Variants in SPART observed in about 807,000 individuals in gnomAD.
SPART encodes spartin, also known as spastic paraplegia 20 (Troyer syndrome).
In SPART, 35 loss-of-function variants were observed where a neutral mutation model predicts 58.7. That is an observed-to-expected ratio of 0.60 (90% CI 0.46 to 0.79). SPART has a LOEUF of 0.79. Ranked by LOEUF, SPART falls within the 30% of genes least tolerant of loss-of-function variation. The pLI is 0.00. For missense variants in SPART, 730 were observed against 786.1 expected (o/e 0.93, Z 0.85); for synonymous variants, 284 against 280.7 (o/e 1.01, Z -0.12).
rs1453020661 is a variant in SPART at position 36,335,188 on chromosome 13, C to A, written c.643G>T (p.Gly215Trp). 6.2e-7 allele frequency: 1 copy of A among 1,614,016 alleles called. No homozygotes were observed. The highest frequency in any genetic ancestry group is 1.3e-5 in the African/African-American group (1 of 74,916). Residue 215 changes from glycine to tryptophan, a missense_variant, in exon 2 of 9, where the codon GGG (glycine) becomes TGG (tryptophan). Gly to Trp is a radical substitution (Grantham distance 184). Transcript: ENST00000438666. Reference protein sequence around the residue: ...HSQPPPLETLGLDADELILIP... With the variant: ...HSQPPPLETLWLDADELILIP... Reference sequence around the variant, plus strand: ...AAAATCAATTCATCTGCATCCAGCCCTAAGGTCTCAAGAGGCGGTGGCTGA... The same window carrying A: ...AAAATCAATTCATCTGCATCCAGCCATAAGGTCTCAAGAGGCGGTGGCTGA...
intron 1 of SPART, among the ~76,000 whole-genome samples, chr13:36,358,514 T>C: frequency 6.6e-6 from 1 of 152,200 alleles, no homozygotes; most frequent in East Asian, 1.9e-4. Context: ...AAAGAAGCTA[T>C]TGGCCATTTT....
At chr13:36,348,286 C>CCTG (rs1885268888), upstream of SPART, among the ~76,000 whole-genome samples, 1 of 152,118 alleles carries the variant, frequency 6.6e-6, no homozygotes, top group Non-Finnish European at 1.5e-5. Context: ...CCCTGTACCC[C>CCTG]CTGGCCCCCA....
chr13:36,362,581 T>C (rs979678384), intron 1 of SPART, among the ~76,000 whole-genome samples: 1 of 152,102 alleles, frequency 6.6e-6, no homozygotes, highest in Non-Finnish European at 1.5e-5. Context: ...GAATCCCTCG[T>C]TTCTTTCTCC....
At chr13:36,327,829 A>G (rs570825726) in intron 4 of SPART, among the ~76,000 whole-genome samples, 1 of 152,236 alleles carries the variant, frequency 6.6e-6, no homozygotes, top group Admixed American at 6.5e-5. Context: ...CCCCATCTCT[A>G]CTAAAAATAC....
intron 1 of SPART, among the ~76,000 whole-genome samples, chr13:36,358,470 C>G (rs774249897): frequency 9.2e-5 from 14 of 152,074 alleles, no homozygotes; most frequent in Non-Finnish European, 1.5e-5. Flanking sequence ...CAGTTTGGCT[C>G]GAACAATTGG....
upstream of SPART, among the ~76,000 whole-genome samples, chr13:36,349,132 G>A (rs762476250): frequency 8.5e-5 from 13 of 152,154 alleles, no homozygotes; most frequent in South Asian, 4.2e-4. Context: ...GCGTGGTGGC[G>A]CATGCCTGTA....
In SPART at chr13:36,331,734, A is replaced by G. The variant is rs544177111; in HGVS notation, c.811-138T>C. 3.7e-4 allele frequency: 234 copies of G among 635,908 alleles called. 1 individual carries two copies. In the Middle Eastern group the frequency reaches 3.9e-3, roughly 11 times the overall value. 39.4% of individuals were successfully genotyped at this position (635,908 alleles called of 1,614,324 possible). ...AACATATTTTAAAAGGCTTTAAGAA[A>G]CATCAACATCAACAAATCCCCAAGA... On this transcript the variant is annotated intron_variant, in intron 2 of 8. Coordinates refer to ENST00000438666, the MANE Select transcript of SPART (RefSeq NM_015087.5).
rs1232559035 is a variant in SPART at position 36,302,492 on chromosome 13, CGTTA to C, written c.*1869_*1872del. On this transcript the variant is annotated 3_prime_UTR_variant, in exon 9 of 9. Transcript: ENST00000438666. ...TGGGTACAGCTATGCTCCAATAAAACGTTATTTATGAAAACAGGTGGACATCTGG... is the reference window on the plus strand; with the variant it reads ...TGGGTACAGCTATGCTCCAATAAAACTTTATGAAAACAGGTGGACATCTGG... The C allele has an allele frequency of 6.6e-6, 1 of 152,112 alleles. No homozygotes were observed. Among genetic ancestry groups the C allele is most frequent in the African/African-American group, 2.4e-5 (1 of 41,416 alleles). 9.4% of individuals were successfully genotyped at this position (152,112 alleles called of 1,614,324 possible). A position where few individuals can be genotyped will look rare whatever the true frequency, so the allele number is the denominator to read the frequency against.
At chr13:36,317,422 C>T (rs1881828638) in intron 5 of SPART, among the ~76,000 whole-genome samples, 1 of 151,960 alleles carries the variant, frequency 6.6e-6, no homozygotes, top group South Asian at 2.1e-4. Flanking sequence ...TATTTCCGTG[C>T]CCCAACCTCT....
chr13:36,344,125 T>C (rs1408470109), intron 1 of SPART, among the ~76,000 whole-genome samples: 1 of 151,916 alleles, frequency 6.6e-6, no homozygotes, highest in Non-Finnish European at 1.5e-5. Flanking sequence ...AGTCCTACTA[T>C]GTTTACAAGT....
intron 8 of SPART, among the ~76,000 whole-genome samples, chr13:36,308,104 G>A (rs886225396): frequency 6.6e-6 from 1 of 152,030 alleles, no homozygotes; most frequent in Admixed American, 6.5e-5. Context: ...ACAGAAGAGT[G>A]TAAATAAACC....
chr13:36,331,257 G>T (rs373844927), intron 3 of SPART, 142 bp downstream of exon 3: 1 of 766,752 alleles, frequency 1.3e-6, no homozygotes, highest in Non-Finnish European at 2.3e-6. Context: ...TTCCAAGCAT[G>T]TAGTTGTGAA....
At position 36,332,683 on chromosome 13, in the gene SPART, C is replaced by T. The variant is rs149623175; in HGVS notation, c.811-1087G>A. On this transcript the variant is annotated intron_variant, in intron 2 of 8. Transcript: ENST00000438666. Reference sequence around the variant, plus strand: ...AAAAGCTCTCCTGCAATGTCATCTGCGGAGGTCGGCTTGCCAGTACATACA... The same window carrying T: ...AAAAGCTCTCCTGCAATGTCATCTGTGGAGGTCGGCTTGCCAGTACATACA... Among the ~76,000 whole-genome samples, 752 of 152,276 alleles carry T rather than the reference C, an allele frequency of 4.9e-3. 8 individuals carry two copies. Among genetic ancestry groups the T allele is most frequent in the African/African-American group, 0.017 (691 of 41,530 alleles).
chr13:36,346,387 ACC>A lies in SPART; in HGVS notation c.-167_-166del. The A allele has an allele frequency of 6.6e-6, 1 of 152,246 alleles. No individual in the cohort carries two copies. The highest frequency in any genetic ancestry group is 1.5e-5 in the Non-Finnish European group (1 of 68,078). 9.4% of individuals were successfully genotyped at this position (152,246 alleles called of 1,614,324 possible). A position where few individuals can be genotyped will look rare whatever the true frequency, so the allele number is the denominator to read the frequency against. ...CCTCGCGCGCGCGCTTGCCGTGGCA[ACC>A]AAGACGTTCCACGACGCGCGCTCTC... On this transcript the variant is annotated 5_prime_UTR_variant, in exon 1 of 9. Coordinates refer to ENST00000438666, the MANE Select transcript of SPART (RefSeq NM_015087.5).
chr13:36,367,416 C>G (rs529078020), intron 1 of SPART, among the ~76,000 whole-genome samples: 3 of 152,186 alleles, frequency 2.0e-5, no homozygotes, highest in Admixed American at 2.0e-4. Context: ...AAACGAATCC[C>G]CTGAGCCCTA....
chr13:36,351,815 C>G (rs943511715), intron 1 of SPART, among the ~76,000 whole-genome samples: 1 of 152,242 alleles, frequency 6.6e-6, no homozygotes, highest in South Asian at 2.1e-4. Flanking sequence ...CTTTTATTCA[C>G]ATGCTGAAAA....
chr13:36,326,770 C>CA, intron 4 of SPART, 72 bp from the exon 5 acceptor site: 1 of 1,529,860 alleles, frequency 6.5e-7, no homozygotes, highest in East Asian at 2.3e-5. Context: ...CATTATATAA[C>CA]AAATATGAAG....
At chr13:36,314,538 T>G in intron 5 of SPART, 117 bp from the exon 6 acceptor site, 1 of 1,004,556 alleles carries the variant, frequency 1.0e-6, no homozygotes, top group Non-Finnish European at 1.5e-6. Flanking sequence ...AGATGCTAAA[T>G]GTGCCATGTC....
chr13:36,342,983 T>C (rs78669763), intron 1 of SPART, among the ~76,000 whole-genome samples: 11,462 of 152,206 alleles, frequency 0.075, 597 homozygotes, highest in Non-Finnish European at 0.11. Context: ...TGCCCCAGGA[T>C]GGAAAAGCCT....
Sources: allele counts gnomAD v4.1 joint callset (sites outside exome capture counted in the v4.1 genomes callset), GRCh38; gene constraint gnomAD v4.1.1; transcripts MANE v1.5; gene names NCBI Gene and HGNC (gene_info 2026-07-23, HGNC 2026-07-21).